MBD2: variants seen among roughly 807,000 people sequenced by gnomAD.
MBD2 encodes the protein methyl-CpG-binding domain protein 2.
Under a neutral mutation model 39.3 loss-of-function variants are expected in MBD2, and 9 were observed. The ratio of observed to expected loss-of-function variants is 0.23; its 90% CI spans 0.14 to 0.40. MBD2 has a LOEUF of 0.40. Ranked by LOEUF, MBD2 falls within the 10% of genes least tolerant of loss-of-function variation. The probability of loss-of-function intolerance (pLI) is 1.00; values close to 1 mark genes in which losing one functional copy is unlikely to be tolerated. For synonymous variants in MBD2, 233 were observed against 211.1 expected, an observed-to-expected ratio of 1.10 and a Z score of -0.90; for missense variants, 458 against 532.6, an observed-to-expected ratio of 0.86 and a Z score of 1.38.
At position 54,198,506 on chromosome 18, in the gene MBD2, G is replaced by C. The variant is rs144302608; in HGVS notation, c.702+6492C>G. ...AGGCAGGTGGATCGCTTGAACCCAG[G>C]AGTTTGAGACCAGCCTAGGTAACAT... On this transcript the variant is annotated intron_variant, in intron 2 of 6. Transcript: ENST00000256429. Among the ~76,000 whole-genome samples, 1,250 of 152,250 alleles carry C rather than the reference G, an allele frequency of 8.2e-3. 12 individuals carry two copies. The highest frequency in any genetic ancestry group is 0.028 in the African/African-American group (1,179 of 41,544).
Position 54,224,303 on chromosome 18 carries a change from C to G in MBD2, c.257G>C (p.Arg86Pro). Residue 86 changes from arginine (R) to proline (P), a missense_variant, in exon 1 of 7, where the codon CGG becomes CCG. This residue lies in a region of MBD2 where 269 missense variants were observed against 236.0 expected (regional missense o/e 1.14). Coordinates refer to ENST00000256429, the MANE Select transcript of MBD2 (RefSeq NM_003927.5). ...RGRGRGRGRGRGRGRGRGRGR... is the reference protein window; with the variant it reads ...RGRGRGRGRGPGRGRGRGRGR... ...GCGGCCCCGGCCCCGGCCCCGTCCC[C>G]GTCCCCGGCCACGGCCCCGGCCCCG... 1 of 958,364 alleles carries G rather than the reference C, an allele frequency of 1.0e-6. No individual in the cohort carries two copies. The highest frequency in any genetic ancestry group is 1.2e-6 in the Non-Finnish European group (1 of 805,622). 59.4% of individuals were successfully genotyped at this position (958,364 alleles called of 1,614,324 possible).
intron 1 of MBD2, among the ~76,000 whole-genome samples, chr18:54,206,271 T>TA (rs1386193256): frequency 6.6e-6 from 1 of 152,226 alleles, no homozygotes; most frequent in East Asian, 1.9e-4. Flanking sequence ...TAGTCTTTCC[T>TA]AAAAAATTTT....
At chr18:54,176,534 T>C (rs769768064) in intron 3 of MBD2, among the ~76,000 whole-genome samples, 2 of 152,212 alleles carry the variant, frequency 1.3e-5, no homozygotes, top group Non-Finnish European at 2.9e-5. Context: ...CCAGAAAGTG[T>C]GTACTTTCTA....
chr18:54,217,582 T>C (rs1451315543), intron 1 of MBD2, among the ~76,000 whole-genome samples: 1 of 152,204 alleles, frequency 6.6e-6, no homozygotes, highest in Non-Finnish European at 1.5e-5. Flanking sequence ...ATTTTAAACA[T>C]GAGTAAAAAA....
intron 2 of MBD2, among the ~76,000 whole-genome samples, chr18:54,195,712 A>T (rs887176746): frequency 2.0e-5 from 3 of 151,402 alleles, no homozygotes; most frequent in Admixed American, 1.3e-4. Context: ...ATATAGTCAT[A>T]AAAAAAAAGA....
At chr18:54,206,766 G>C (rs991775573) in intron 1 of MBD2, among the ~76,000 whole-genome samples, 1 of 135,886 alleles carries the variant, frequency 7.4e-6, no homozygotes, top group African/African-American at 2.5e-5. Context: ...GTAACAACAA[G>C]AACAATACAA....
At chr18:54,197,241 A>G (rs1400253797) in intron 2 of MBD2, among the ~76,000 whole-genome samples, 1 of 152,138 alleles carries the variant, frequency 6.6e-6, no homozygotes, top group Admixed American at 6.5e-5. Flanking sequence ...GTGTCTCTAC[A>G]TTTTCCACAC....
At chr18:54,211,867 T>A (rs1454978431) in intron 1 of MBD2, among the ~76,000 whole-genome samples, 1 of 151,906 alleles carries the variant, frequency 6.6e-6, no homozygotes, top group Non-Finnish European at 1.5e-5. Context: ...CCTCCTTTTT[T>A]TTTTTTGAGA....
chr18:54,202,929 T>C (rs767373937), intron 2 of MBD2: 6 of 1,034,244 alleles, frequency 5.8e-6, no homozygotes, highest in Non-Finnish European at 6.1e-6. Context: ...GCCTGGAGTA[T>C]GCAGGGCAGG....
intron 3 of MBD2, among the ~76,000 whole-genome samples, chr18:54,171,189 G>C (rs1442780577): frequency 6.6e-6 from 1 of 152,016 alleles, no homozygotes; most frequent in East Asian, 1.9e-4. Flanking sequence ...ATCATCTGAG[G>C]TCAGGAGTTC....
At chr18:54,161,511 C>A (rs938607419) in intron 5 of MBD2, among the ~76,000 whole-genome samples, 1 of 152,180 alleles carries the variant, frequency 6.6e-6, no homozygotes, top group Non-Finnish European at 1.5e-5. Flanking sequence ...CAGTCTCTCA[C>A]TAATAAGAGT....
At chr18:54,203,925 C>A (rs923074891) in intron 2 of MBD2, among the ~76,000 whole-genome samples, 9 of 152,198 alleles carry the variant, frequency 5.9e-5, no homozygotes, top group African/African-American at 2.2e-4. Context: ...TACAACAATG[C>A]TAAGGGAAAA....
At chr18:54,158,788 C>T (rs1260076323) in intron 6 of MBD2, among the ~76,000 whole-genome samples, 1 of 152,042 alleles carries the variant, frequency 6.6e-6, no homozygotes, top group Non-Finnish European at 1.5e-5. Flanking sequence ...CTACCACGCC[C>T]AGCTAATTTT....
intron 1 of MBD2, among the ~76,000 whole-genome samples, chr18:54,210,758 A>G (rs973082542): frequency 1.1e-4 from 17 of 152,132 alleles, no homozygotes; most frequent in Admixed American, 3.3e-4. Context: ...ATCACTTCCC[A>G]TCAGTATCAG....
chr18:54,156,036 A>G (rs2086049468), intron 6 of MBD2, among the ~76,000 whole-genome samples: 1 of 152,178 alleles, frequency 6.6e-6, no homozygotes, highest in Admixed American at 6.5e-5. Context: ...CTGAGGCATG[A>G]TGAGGCTGGC....
At chr18:54,159,629 A>C (rs963892746) in intron 6 of MBD2, 136 bp downstream of exon 6, 2 of 847,078 alleles carry the variant, frequency 2.4e-6, no homozygotes, top group African/African-American at 3.4e-5. Context: ...ATGTTGCTCA[A>C]GCTGGTCTCG....
intron 1 of MBD2, among the ~76,000 whole-genome samples, chr18:54,216,901 G>C (rs1257174152): frequency 6.6e-6 from 1 of 152,086 alleles, no homozygotes; most frequent in Non-Finnish European, 1.5e-5. Flanking sequence ...GACCAGCCTG[G>C]CCAACATGGT....
intron 1 of MBD2, among the ~76,000 whole-genome samples, chr18:54,218,460 A>G (rs770006368): frequency 6.6e-6 from 1 of 152,190 alleles, no homozygotes; most frequent in Non-Finnish European, 1.5e-5. Context: ...TAGATTAGAC[A>G]TGGGGTGTTG....
chr18:54,206,958 C>T (rs1441241823), intron 1 of MBD2, among the ~76,000 whole-genome samples: 2 of 152,160 alleles, frequency 1.3e-5, no homozygotes, highest in African/African-American at 2.4e-5. Context: ...TTCTATATTC[C>T]GCACCTGTGT....
Sources: gnomAD v4.1 joint callset for allele counts (sites outside exome capture counted in the v4.1 genomes callset) on GRCh38, gnomAD v4.1.1 for gene constraint, gnomAD v4.1.1 regional missense constraint, MANE v1.5 for transcripts, NCBI Gene and HGNC (gene_info 2026-07-23, HGNC 2026-07-21) for gene names.